The following SMG7 variants were observed in gnomAD, a reference collection of about 807,000 sequenced individuals.
SMG7 encodes SMG7 nonsense mediated mRNA decay factor.
SMG7 carries 34 observed loss-of-function variants against 148.2 expected under a neutral mutation model. The ratio of observed to expected loss-of-function variants is 0.23; its 90% confidence interval spans 0.17 to 0.31. The LOEUF (loss-of-function observed/expected upper bound fraction) is 0.31. Among genes scored for constraint, SMG7 ranks in the 10% least tolerant of loss-of-function variants. The pLI, the probability that SMG7 is intolerant of heterozygous loss-of-function variation, is 1.00. For synonymous variants in SMG7, 492 were observed against 515.1 expected (o/e 0.96, Z 0.61); for missense variants, 1,114 against 1,408.4 (o/e 0.79, Z 3.35).
chr1:183,492,652 C>T (rs1299802224), intron 1 of SMG7, among the ~76,000 whole-genome samples: 1 of 152,130 alleles, frequency 6.6e-6, no homozygotes, highest in African/African-American at 2.4e-5. Context: ...TATATAAATC[C>T]TTCTGAAGAA....
Position 183,475,799 on chromosome 1 carries a change from A to G in SMG7, c.29+3150A>G, listed in dbSNP as rs1053496107. ...CTTGTTAATGTGCCTTATATTTTAT[A>G]GCTTGACATGGTAGGGAAGACTTCC... On this transcript the variant is annotated intron_variant, in intron 1 of 22. Transcript: ENST00000688051. Among the ~76,000 whole-genome samples the G allele has an allele frequency of 1.2e-4, 18 of 152,308 alleles. No homozygotes were observed. The East Asian group carries it at 3.1e-3, about 26-fold the overall frequency.
At chr1:183,487,863 T>C (rs1170173326) in intron 1 of SMG7, among the ~76,000 whole-genome samples, 3 of 152,136 alleles carry the variant, frequency 2.0e-5, no homozygotes, top group South Asian at 4.1e-4. Flanking sequence ...TTCTCAAAAA[T>C]AGGAAGAGAA....
intron 17 of SMG7, 98 bp from the exon 18 acceptor site, chr1:183,547,005 C>G: frequency 8.2e-7 from 1 of 1,224,336 alleles, no homozygotes; most frequent in Non-Finnish European, 1.1e-6. Flanking sequence ...TCACTATCCC[C>G]TTGACTTTAG....
intron 1 of SMG7, among the ~76,000 whole-genome samples, chr1:183,502,015 G>C (rs1389553173): frequency 6.6e-6 from 1 of 152,090 alleles, no homozygotes; most frequent in Non-Finnish European, 1.5e-5. Flanking sequence ...TCAGTTTTCA[G>C]ACAGTGAGGA....
At position 183,538,301 on chromosome 1, in the gene SMG7, T is replaced by TA. The variant is rs563337922; in HGVS notation, c.1235-72dup. The TA allele has an allele frequency of 1.9e-3, 1,718 of 916,850 alleles. 3 individuals carry two copies. The highest frequency in any genetic ancestry group is 2.5e-3 in the Non-Finnish European group (1,417 of 555,946). 56.8% of individuals were successfully genotyped at this position (916,850 alleles called of 1,614,324 possible). On this transcript the variant is annotated intron_variant, in intron 11 of 22. Transcript: ENST00000688051. ...TAATTTCTTTCTGTATGTTAATTTTTAAAAAAATTTAGTGAACAGTATTCC... is the reference window on the plus strand; with the variant it reads ...TAATTTCTTTCTGTATGTTAATTTTTAAAAAAAATTTAGTGAACAGTATTCC...
intron 9 of SMG7, 71 bp from the exon 10 acceptor site, chr1:183,533,605 A>G: frequency 7.7e-7 from 1 of 1,293,812 alleles, no homozygotes; most frequent in South Asian, 1.4e-5. Context: ...AGTAGAAGGC[A>G]CATAATATTT....
intron 1 of SMG7, chr1:183,502,115 CAAAA>C (rs1557979750): frequency 1.8e-6 from 1 of 550,718 alleles, no homozygotes. Flanking sequence ...AAACATTAAA[CAAAA>C]AAAGAAAAAG....
At chr1:183,491,573 C>T (rs1363369198) in intron 1 of SMG7, among the ~76,000 whole-genome samples, 2 of 152,028 alleles carry the variant, frequency 1.3e-5, no homozygotes, top group African/African-American at 4.8e-5. Flanking sequence ...ATATATATCT[C>T]CTAGTCTGTG....
At chr1:183,544,752 G>A (rs929120221) in intron 15 of SMG7, among the ~76,000 whole-genome samples, 178 bp from the exon 16 acceptor site, 1 of 152,028 alleles carries the variant, frequency 6.6e-6, no homozygotes, top group African/African-American at 2.4e-5. Flanking sequence ...AGTGGATAGA[G>A]GAAAAATATC....
chr1:183,478,324 C>G (rs1323785920), intron 1 of SMG7, among the ~76,000 whole-genome samples: 1 of 152,086 alleles, frequency 6.6e-6, no homozygotes, highest in Non-Finnish European at 1.5e-5. Context: ...AGCTTTTGTC[C>G]CGGAATATCA....
chr1:183,547,180 T>G lies in SMG7; in HGVS notation c.2820T>G (p.Ile940Met). The G allele has an allele frequency of 6.4e-7, 1 of 1,550,496 alleles. No individual in the cohort carries two copies. The highest frequency in any genetic ancestry group is 8.7e-7 in the Non-Finnish European group (1 of 1,146,924). The change falls in exon 18 of 23, where the codon ATT becomes ATG. Residue 940 changes from isoleucine (I) to methionine (M), a missense_variant. Ile to Met is a conservative substitution (Grantham distance 10). This residue lies in a region of SMG7 where 788 missense variants were observed against 894.5 expected (regional missense o/e 0.88). Transcript: ENST00000688051. ...CCTTGGAGGAAGAGGAAGAGCTGAT[T>G]TTTTCTAACCCTCCTGATCTTTACC... ...LAALEEEEELIFSNPPDLYPA... is the reference protein window; with the variant it reads ...LAALEEEEELMFSNPPDLYPA...
At chr1:183,491,518 C>CAT (rs1265247975) in intron 1 of SMG7, among the ~76,000 whole-genome samples, 3 of 152,044 alleles carry the variant, frequency 2.0e-5, no homozygotes, top group Non-Finnish European at 4.4e-5. Flanking sequence ...CATACATGCA[C>CAT]ATATATATAC....
chr1:183,551,873 T>A lies in SMG7; in HGVS notation c.3506T>A (p.Leu1169Ter), dbSNP rs776720662. The A allele has an allele frequency of 8.1e-6, 13 of 1,613,790 alleles. No individual in the cohort carries two copies. Among genetic ancestry groups the A allele is most frequent in the Non-Finnish European group, 1.1e-5 (13 of 1,179,838 alleles). The stretch of plus-strand genomic sequence containing the variant: ...GGACCTTCTGCTCTGGAGCAGCTGT[T>A]AATGCAGCAGAAGCAGAAACAGCAA... ...HPGPSALEQL[L>*]MQQKQKQQRG... is the part of the protein sequence containing the mutation. The change falls in exon 23 of 23, where the codon TTA (leucine) becomes TAA (stop). Residue 1169 changes from leucine to a stop codon, truncating the protein, a stop_gained. Transcript: ENST00000688051. LOFTEE classifies it high-confidence loss of function.
intron 8 of SMG7, among the ~76,000 whole-genome samples, chr1:183,531,482 A>G (rs1442801246): frequency 6.6e-6 from 1 of 152,178 alleles, no homozygotes; most frequent in Non-Finnish European, 1.5e-5. Context: ...TTACAACTGA[A>G]TAACTTCAAC....
Position 183,527,938 on chromosome 1 carries a change from T to G in SMG7, c.485-18T>G, listed in dbSNP as rs1236337128. On this transcript the variant is annotated intron_variant, in intron 5 of 22. Transcript: ENST00000688051. The surrounding 1 kb of genome is among the most constrained non-coding windows in gnomAD (Gnocchi z 4.0). Reference sequence around the variant, plus strand: ...GTTTGTTTTTTGGGTTTTTTAAAACTAATTTTCTTCTTCTTAGCTCGATAC... The same window carrying G: ...GTTTGTTTTTTGGGTTTTTTAAAACGAATTTTCTTCTTCTTAGCTCGATAC... 6.2e-7 allele frequency: 1 copy of G among 1,609,160 alleles called. No individual in the cohort carries two copies. The highest frequency in any genetic ancestry group is 1.3e-5 in the African/African-American group (1 of 74,892).
Position 183,546,222 on chromosome 1 carries a change from G to T in SMG7, c.2627G>T (p.Ser876Ile). ...GAATTCTACTGGGATTCTTCCTACA[G>T]CATGGCTGATAACAGATCTGTAATG... is the stretch of plus-strand genomic sequence containing the variant. ...VPEFYWDSSY[S>I]MADNRSVMAQ... Residue 876 changes from serine (S) to isoleucine (I), a missense_variant, in exon 17 of 23, where the codon AGC (serine) becomes ATC (isoleucine). Physicochemically the swap from Ser to Ile is moderately radical, Grantham distance 142. Coordinates refer to ENST00000688051, the MANE Select transcript of SMG7 (RefSeq NM_001375584.1). 6.2e-7 allele frequency: 1 copy of T among 1,614,030 alleles called. No individual in the cohort carries two copies. The highest frequency in any genetic ancestry group is 1.7e-5 in the Admixed American group (1 of 60,000).
At chr1:183,494,009 A>G (rs1465267962) in intron 1 of SMG7, among the ~76,000 whole-genome samples, 1 of 151,932 alleles carries the variant, frequency 6.6e-6, no homozygotes, top group African/African-American at 2.4e-5. Context: ...CTTGTTTGAA[A>G]CAGGGTCTTG....
In SMG7 at chr1:183,476,958, G is replaced by A. The variant is rs558518571; in HGVS notation, c.29+4309G>A. Reference sequence around the variant, plus strand: ...AATTCATTTGATGGGGGTAGGAGAAGGTTAGGATAGGCCGCAGGTGAGGTA... The same window carrying A: ...AATTCATTTGATGGGGGTAGGAGAAAGTTAGGATAGGCCGCAGGTGAGGTA... On this transcript the variant is annotated intron_variant, in intron 1 of 22. Transcript: ENST00000688051. Among the ~76,000 whole-genome samples, 14 of 152,224 alleles carry A rather than the reference G, an allele frequency of 9.2e-5. No individual in the cohort carries two copies. The East Asian group carries it at 2.3e-3, about 25-fold the overall frequency.
chr1:183,486,563 A>G (rs908415558), intron 1 of SMG7, among the ~76,000 whole-genome samples: 3 of 152,142 alleles, frequency 2.0e-5, no homozygotes, highest in African/African-American at 7.2e-5. Flanking sequence ...GGCGCCCGCC[A>G]CCACGCCTGG....
Sources: gnomAD v4.1 joint callset for allele counts (sites outside exome capture counted in the v4.1 genomes callset) on GRCh38, gnomAD v4.1.1 for gene constraint, gnomAD v4.1.1 regional missense constraint, Gnocchi (gnomAD v3.1) non-coding constraint, MANE v1.5 for transcripts, NCBI Gene and HGNC (gene_info 2026-07-23, HGNC 2026-07-21) for gene names.